TGFBRAP1: variants seen among roughly 807,000 people sequenced by gnomAD.
TGFBRAP1 encodes the protein transforming growth factor-beta receptor-associated protein 1.
A neutral mutation model predicts 83.2 loss-of-function variants in TGFBRAP1; 20 were observed. The observed-to-expected ratio is 0.24, with a 90% CI of 0.17 to 0.35. The LOEUF (loss-of-function observed/expected upper bound fraction) is 0.35, where lower values mean the gene tolerates loss of function less well. Ranked by LOEUF, TGFBRAP1 falls within the 10% of genes least tolerant of loss-of-function variation. TGFBRAP1 has a pLI of 1.00. For synonymous variants in TGFBRAP1, 415 were observed against 459.8 expected (o/e 0.90, Z 1.25); for missense variants, 950 against 1,099.4 (o/e 0.86, Z 1.92).
chr2:105,292,191 A>C (rs562512676), intron 4 of TGFBRAP1, among the ~76,000 whole-genome samples: 10 of 152,352 alleles, frequency 6.6e-5, no homozygotes, highest in African/African-American at 2.4e-4. Context: ...AGCATTCCAC[A>C]CATATTTGTC....
intron 4 of TGFBRAP1, among the ~76,000 whole-genome samples, chr2:105,284,947 A>G (rs1294065029): frequency 6.6e-6 from 1 of 152,170 alleles, no homozygotes; most frequent in African/African-American, 2.4e-5. Flanking sequence ...TATCTTGTTT[A>G]CTCCACTATG....
Position 105,275,664 on chromosome 2 carries a change from T to C in TGFBRAP1, c.1561A>G (p.Thr521Ala). The C allele has an allele frequency of 6.2e-7, 1 of 1,613,924 alleles. No homozygotes were observed. The highest frequency in any genetic ancestry group is 8.5e-7 in the Non-Finnish European group (1 of 1,179,976). Residue 521 changes from threonine (T) to alanine (A), a missense_variant, in exon 8 of 12, where the codon ACA (threonine) becomes GCA (alanine). Coordinates refer to ENST00000393359, the MANE Select transcript of TGFBRAP1 (RefSeq NM_004257.6). ...ATGTATTCATACAGGTCTGAGCGTG[T>C]GGAGTCCTGGACATCGCCATTCACA... ...NIVNGDVQDS[T>A]RSDLYEYIVD...
chr2:105,260,051 T>C (rs1276532220), downstream of TGFBRAP1, among the ~76,000 whole-genome samples: 1 of 152,210 alleles, frequency 6.6e-6, no homozygotes, highest in African/African-American at 2.4e-5. Flanking sequence ...TCTATGCACA[T>C]ACACTCTTGG....
intron 1 of TGFBRAP1, among the ~76,000 whole-genome samples, chr2:105,310,551 AC>A (rs1678656873): frequency 6.6e-6 from 1 of 152,084 alleles, no homozygotes; most frequent in Non-Finnish European, 1.5e-5. Flanking sequence ...TTCTAAAGGC[AC>A]CACAGAGAAG....
chr2:105,302,204 T>TTGGCAAAGC, intron 2 of TGFBRAP1, among the ~76,000 whole-genome samples: 1 of 152,300 alleles, frequency 6.6e-6, no homozygotes. Flanking sequence ...ACATCCTCTG[T>TTGGCAAAGC]TGGCAAAGCT....
the TGFBRAP1 span, among the ~76,000 whole-genome samples, chr2:105,251,724 T>C: frequency 3.3e-5 from 5 of 152,102 alleles, no homozygotes; most frequent in East Asian, 3.9e-4. Context: ...GGGGAAAAGA[T>C]TGAGAAATCG....
intron 1 of TGFBRAP1, among the ~76,000 whole-genome samples, chr2:105,317,093 A>G (rs886427199): frequency 6.6e-6 from 1 of 152,224 alleles, no homozygotes; most frequent in African/African-American, 2.4e-5. Context: ...GTATGTCCAT[A>G]GGAATACAAG....
chr2:105,279,961 C>T (rs1221348102), intron 6 of TGFBRAP1, among the ~76,000 whole-genome samples: 3 of 151,800 alleles, frequency 2.0e-5, no homozygotes, highest in Non-Finnish European at 4.4e-5. Context: ...TTGCTTGAAC[C>T]CAGGAGGTGG....
intron 4 of TGFBRAP1, among the ~76,000 whole-genome samples, chr2:105,291,585 C>A (rs1368559601): frequency 6.6e-6 from 1 of 152,106 alleles, no homozygotes; most frequent in Non-Finnish European, 1.5e-5. Context: ...GAATATTATT[C>A]GGCCTTAAAA....
In TGFBRAP1 at chr2:105,272,856, G is replaced by C; in HGVS notation, c.1971C>G (p.Leu657=). ...KSDLYRVHFL[L]ERLQGAGLPM... ...AGACAATACTGAGATCATCCTCACC[G>C]AGAAGAAAGTGGACTCGGTATAAAT... Residue 657 remains leucine, a splice_region_variant and synonymous_variant, in exon 10 of 12, where the codon CTC becomes CTG. Coordinates refer to ENST00000393359, the MANE Select transcript of TGFBRAP1 (RefSeq NM_004257.6). The C allele has an allele frequency of 1.2e-6, 2 of 1,606,876 alleles. No homozygotes were observed.
chr2:105,273,494 A>T, intron 9 of TGFBRAP1, 50 bp downstream of exon 9: 1 of 1,603,138 alleles, frequency 6.2e-7, no homozygotes, highest in Admixed American at 1.7e-5. Flanking sequence ...TTCTAGTTCA[A>T]TTCCGTCTCT....
chr2:105,289,111 T>G (rs1357736437), intron 4 of TGFBRAP1, among the ~76,000 whole-genome samples: 2 of 151,562 alleles, frequency 1.3e-5, no homozygotes, highest in African/African-American at 2.4e-5. Flanking sequence ...GCACAAAAGG[T>G]GGTCAATTCC....
chr2:105,259,101 T>C, the TGFBRAP1 span, among the ~76,000 whole-genome samples: 1 of 152,218 alleles, frequency 6.6e-6, no homozygotes, highest in African/African-American at 2.4e-5. Flanking sequence ...CAACCTTCCC[T>C]CTGTAATTGC....
intron 4 of TGFBRAP1, among the ~76,000 whole-genome samples, chr2:105,291,642 A>G (rs1677919380): frequency 6.6e-6 from 1 of 152,230 alleles, no homozygotes; most frequent in Non-Finnish European, 1.5e-5. Context: ...GCCTGAGGAC[A>G]TTATGCTAAG....
chr2:105,283,445 G>A (rs1677609142), intron 5 of TGFBRAP1, among the ~76,000 whole-genome samples: 1 of 152,232 alleles, frequency 6.6e-6, no homozygotes, highest in South Asian at 2.1e-4. Context: ...TCACTACTTG[G>A]ATGAAAATAT....
At chr2:105,298,430 C>G in intron 3 of TGFBRAP1, 81 bp downstream of exon 3, 2 of 1,445,954 alleles carry the variant, frequency 1.4e-6, no homozygotes, top group Non-Finnish European at 1.9e-6. Context: ...GCGCAAGGCC[C>G]AGTTCCTAAA....
At chr2:105,282,119 G>A (rs949485260) in intron 5 of TGFBRAP1, among the ~76,000 whole-genome samples, 10 of 152,290 alleles carry the variant, frequency 6.6e-5, no homozygotes, top group East Asian at 1.9e-4. Flanking sequence ...CCCATGCAAC[G>A]CTCCCACAGC....
intron 4 of TGFBRAP1, among the ~76,000 whole-genome samples, chr2:105,293,116 G>A (rs912778518): frequency 1.6e-4 from 24 of 152,090 alleles, no homozygotes; most frequent in African/African-American, 4.8e-4. Flanking sequence ...ATGGTACTGC[G>A]GTTACATTTC....
chr2:105,290,051 G>A (rs1184647541), intron 4 of TGFBRAP1, among the ~76,000 whole-genome samples: 1 of 152,158 alleles, frequency 6.6e-6, no homozygotes, highest in Non-Finnish European at 1.5e-5. Flanking sequence ...ACATTTATTA[G>A]ATAGGCAATT....
Sources: gnomAD v4.1 joint callset for allele counts (sites outside exome capture counted in the v4.1 genomes callset) on GRCh38, gnomAD v4.1.1 for gene constraint, MANE v1.5 for transcripts, NCBI Gene and HGNC (gene_info 2026-07-23, HGNC 2026-07-21) for gene names.